Variants in CDC42SE2 observed in about 807,000 individuals in gnomAD.
The protein encoded by CDC42SE2 is CDC42 small effector protein 2.
A neutral mutation model predicts 11.5 loss-of-function variants in CDC42SE2; 3 were observed. The observed-to-expected ratio is 0.26, with a 90% CI of 0.12 to 0.67. CDC42SE2 has a LOEUF of 0.67. CDC42SE2 is among the 30% of genes least tolerant of loss of function. The pLI is 0.80. For synonymous variants in CDC42SE2, 33 were observed against 34.8 expected, an observed-to-expected ratio of 0.95 and a Z score of 0.18; for missense variants, 82 against 106.8, an observed-to-expected ratio of 0.77 and a Z score of 1.02.
chr5:131,273,727 C>T lies in CDC42SE2; in HGVS notation c.-455+9561C>T, dbSNP rs368393214. Among the ~76,000 whole-genome samples, 35 of 150,376 alleles carry T rather than the reference C, an allele frequency of 2.3e-4. 1 individual carries two copies. In the South Asian group the frequency reaches 6.5e-3, roughly 28 times the overall value. Reference sequence around the variant, plus strand: ...GGCGGAGCTTGCAGTGAGCCAAGATCGCACCACTGCACTCCAGCCTGGCGA... The same window carrying T: ...GGCGGAGCTTGCAGTGAGCCAAGATTGCACCACTGCACTCCAGCCTGGCGA... On this transcript the variant is annotated intron_variant, in intron 1 of 4. Transcript: ENST00000505065.
At chr5:131,324,037 G>A (rs1370712438) in intron 2 of CDC42SE2, among the ~76,000 whole-genome samples, 3 of 152,098 alleles carry the variant, frequency 2.0e-5, no homozygotes, top group African/African-American at 7.2e-5. Context: ...AGCTTATAAA[G>A]TATTTTACAT....
rs1580794436 is a variant in CDC42SE2 at position 131,391,603 on chromosome 5, C to A, written c.*512C>A. 6.6e-6 allele frequency: 1 copy of A among 152,336 alleles called. No individual in the cohort carries two copies. Among genetic ancestry groups the A allele is most frequent in the Admixed American group, 6.5e-5 (1 of 15,280 alleles). 9.4% of individuals were successfully genotyped at this position (152,336 alleles called of 1,614,324 possible). A position where few individuals can be genotyped will look rare whatever the true frequency, so the allele number is the denominator to read the frequency against. ...ACGAGAATTGCTTGAACCTGGGAGG[C>A]AGGGGTTGCAGTCAGCTGAGAATGC... On this transcript the variant is annotated 3_prime_UTR_variant, in exon 5 of 5. Coordinates refer to ENST00000505065, the MANE Select transcript of CDC42SE2 (RefSeq NM_001375635.1).
At chr5:131,343,414 A>G (rs554517389) in intron 2 of CDC42SE2, among the ~76,000 whole-genome samples, 2 of 152,138 alleles carry the variant, frequency 1.3e-5, no homozygotes, top group Non-Finnish European at 2.9e-5. Context: ...GGGAATATGG[A>G]TAAAGAGATG....
chr5:131,338,824 A>G (rs1322677270), intron 2 of CDC42SE2, among the ~76,000 whole-genome samples: 1 of 152,228 alleles, frequency 6.6e-6, no homozygotes, highest in South Asian at 2.1e-4. Context: ...ACCAGTGTGC[A>G]GTATGAACAT....
At chr5:131,363,181 A>G (rs1024222565) in intron 3 of CDC42SE2, among the ~76,000 whole-genome samples, 1 of 150,972 alleles carries the variant, frequency 6.6e-6, no homozygotes, top group Non-Finnish European at 1.5e-5. Flanking sequence ...ACAGAACTAT[A>G]GTGAATTCTT....
the CDC42SE2 span, among the ~76,000 whole-genome samples, chr5:131,231,688 T>C: frequency 6.6e-6 from 1 of 152,222 alleles, no homozygotes; most frequent in Non-Finnish European, 1.5e-5. Context: ...TTACTACCAG[T>C]CTTACCTTTG....
intron 2 of CDC42SE2, among the ~76,000 whole-genome samples, chr5:131,340,778 A>G (rs1758693592): frequency 6.6e-6 from 1 of 151,834 alleles, no homozygotes; most frequent in African/African-American, 2.4e-5. Context: ...TCCAGGTGCA[A>G]GCGATTCTTG....
intron 2 of CDC42SE2, among the ~76,000 whole-genome samples, chr5:131,351,152 G>C (rs56827777): frequency 6.6e-6 from 1 of 151,956 alleles, no homozygotes; most frequent in East Asian, 1.9e-4. Flanking sequence ...TTGCTGCCCA[G>C]TTGCCCAGGC....
the CDC42SE2 span, among the ~76,000 whole-genome samples, chr5:131,235,121 C>T: frequency 9.9e-5 from 15 of 151,920 alleles, no homozygotes; most frequent in African/African-American, 2.4e-4. Context: ...AAACTCCTGA[C>T]CTCGTGATCT....
At chr5:131,234,036 A>T in the CDC42SE2 span, among the ~76,000 whole-genome samples, 2 of 152,222 alleles carry the variant, frequency 1.3e-5, no homozygotes, top group African/African-American at 2.4e-5. Flanking sequence ...CTGGCACTAG[A>T]TTATTATATG....
the CDC42SE2 span, among the ~76,000 whole-genome samples, chr5:131,224,333 A>C: frequency 6.6e-6 from 1 of 152,168 alleles, no homozygotes; most frequent in African/African-American, 2.4e-5. Flanking sequence ...TCTCATAGAG[A>C]ATTCCAGATC....
the CDC42SE2 span, among the ~76,000 whole-genome samples, chr5:131,238,820 C>T: frequency 6.6e-6 from 1 of 151,852 alleles, no homozygotes. Context: ...GTCTTTCATA[C>T]GCATTATCCT....
chr5:131,347,109 C>T (rs1758866493), intron 2 of CDC42SE2, among the ~76,000 whole-genome samples: 1 of 152,102 alleles, frequency 6.6e-6, no homozygotes, highest in South Asian at 2.1e-4. Flanking sequence ...AGAGCAAACA[C>T]ATTCAAAAGC....
chr5:131,374,583 A>G (rs1271967390), intron 3 of CDC42SE2, among the ~76,000 whole-genome samples: 2 of 151,808 alleles, frequency 1.3e-5, no homozygotes, highest in Non-Finnish European at 2.9e-5. Flanking sequence ...AATTTGTGAC[A>G]GAATTTTTTT....
intron 2 of CDC42SE2, among the ~76,000 whole-genome samples, chr5:131,331,340 A>G (rs931754413): frequency 1.3e-5 from 2 of 152,224 alleles, no homozygotes; most frequent in African/African-American, 4.8e-5. Flanking sequence ...TTCTACCTCA[A>G]TAATGCTTAT....
intron 2 of CDC42SE2, among the ~76,000 whole-genome samples, chr5:131,346,657 T>C (rs1158177214): frequency 6.6e-6 from 1 of 152,204 alleles, no homozygotes; most frequent in Non-Finnish European, 1.5e-5. Context: ...GCCAACCTAA[T>C]AGACATCTAC....
At chr5:131,363,695 C>CTTTTTTTT (rs34261669) in intron 3 of CDC42SE2, among the ~76,000 whole-genome samples, 1 of 117,360 alleles carries the variant, frequency 8.5e-6, no homozygotes, top group African/African-American at 3.4e-5. Context: ...TTCTCTTACT[C>CTTTTTTTT]TTTTTTTTTT....
chr5:131,253,958 T>G (rs1756660405), intron 1 of CDC42SE2, among the ~76,000 whole-genome samples: 1 of 152,182 alleles, frequency 6.6e-6, no homozygotes, highest in Non-Finnish European at 1.5e-5. Context: ...CTGAGTCCAC[T>G]TTAGGAGAAA....
upstream of CDC42SE2, chr5:131,264,016 C>T (rs1756794884): frequency 6.6e-6 from 1 of 151,904 alleles, no homozygotes; most frequent in Non-Finnish European, 1.5e-5. Flanking sequence ...CTCGCTCCGC[C>T]CAACCCGCGC....
Sources: allele counts gnomAD v4.1 joint callset (sites outside exome capture counted in the v4.1 genomes callset), GRCh38; gene constraint gnomAD v4.1.1; transcripts MANE v1.5; gene names NCBI Gene and HGNC (gene_info 2026-07-23, HGNC 2026-07-21).